Variants in VAV2 observed in about 807,000 individuals in gnomAD.
VAV2 encodes vav guanine nucleotide exchange factor 2, also known as guanine nucleotide exchange factor VAV2.
In VAV2, 67 loss-of-function variants were observed where a neutral mutation model predicts 132.5. That is an observed-to-expected ratio of 0.51 (90% CI 0.42 to 0.62). VAV2 has a LOEUF of 0.62. Among genes scored for constraint, VAV2 ranks in the 20% least tolerant of loss-of-function variants. VAV2 has a pLI of 0.00. For missense variants in VAV2, 938 were observed against 1,153.6 expected (o/e 0.81, Z 2.71); for synonymous variants, 492 against 443.5 (o/e 1.11, Z -1.37).
intron 24 of VAV2, among the ~76,000 whole-genome samples, chr9:133,775,301 T>C (rs1171340934): frequency 2.0e-5 from 3 of 152,264 alleles, no homozygotes; most frequent in East Asian, 3.9e-4. Flanking sequence ...AGGGGTTAAA[T>C]AGAGGGGTGA....
At chr9:133,870,991 G>C (rs532478494) in intron 2 of VAV2, among the ~76,000 whole-genome samples, 1 of 148,462 alleles carries the variant, frequency 6.7e-6, no homozygotes, top group Non-Finnish European at 1.5e-5. Context: ...TGGATGGATG[G>C]ATGGATAAGT....
intron 1 of VAV2, among the ~76,000 whole-genome samples, chr9:133,957,402 T>G (rs1841818120): frequency 6.6e-6 from 1 of 152,186 alleles, no homozygotes; most frequent in African/African-American, 2.4e-5. Flanking sequence ...TGTCGTCTCT[T>G]GACTCTGGGT....
intron 2 of VAV2, among the ~76,000 whole-genome samples, chr9:133,923,354 A>G (rs984919125): frequency 6.6e-6 from 1 of 152,252 alleles, no homozygotes; most frequent in Non-Finnish European, 1.5e-5. Flanking sequence ...TATAGCCAGA[A>G]GAATTCAAAG....
intron 2 of VAV2, among the ~76,000 whole-genome samples, chr9:133,875,021 C>G (rs565924003): frequency 6.6e-6 from 1 of 152,156 alleles, no homozygotes; most frequent in African/African-American, 2.4e-5. Flanking sequence ...GGCAGAGCAG[C>G]CCCAGAAAGA....
At chr9:133,911,232 A>G (rs1839874646) in intron 2 of VAV2, among the ~76,000 whole-genome samples, 1 of 152,262 alleles carries the variant, frequency 6.6e-6, no homozygotes, top group Admixed American at 6.5e-5. Flanking sequence ...AAGTCCCACC[A>G]GGAACACACC....
intron 11 of VAV2, 96 bp from the exon 12 acceptor site, chr9:133,795,832 T>G (rs1174645309): frequency 1.3e-5 from 18 of 1,399,430 alleles, no homozygotes; most frequent in Non-Finnish European, 1.8e-5. Flanking sequence ...CAGAACCAAG[T>G]CCTCAGAAGA....
intron 7 of VAV2, among the ~76,000 whole-genome samples, chr9:133,808,612 C>T (rs2131692337): frequency 6.6e-6 from 1 of 152,320 alleles, no homozygotes; most frequent in East Asian, 1.9e-4. Flanking sequence ...TAGGCCGGGC[C>T]ATGCCTTGTG....
chr9:133,835,379 G>T (rs1836428654), intron 3 of VAV2, among the ~76,000 whole-genome samples: 1 of 140,986 alleles, frequency 7.1e-6, no homozygotes, highest in African/African-American at 2.5e-5. Flanking sequence ...TGTCAGGTCA[G>T]CCTCAGGAAG....
intron 1 of VAV2, among the ~76,000 whole-genome samples, chr9:133,946,503 A>G (rs1841365023): frequency 6.6e-6 from 1 of 152,222 alleles, no homozygotes; most frequent in East Asian, 1.9e-4. Flanking sequence ...CCCTGCGGCA[A>G]AGGCTCCAGG....
In VAV2 at chr9:133,833,448, A is replaced by G. The variant is rs909118337; in HGVS notation, c.449+824T>C. On this transcript the variant is annotated intron_variant, in intron 4 of 29. Coordinates refer to ENST00000371850, the MANE Select transcript of VAV2 (RefSeq NM_001134398.2). This position sits in a 1 kb window ranked among gnomAD's most constrained non-coding sequence, Gnocchi z 5.6. ...ACCGTAGTTGAGCTAAGAACACACA[A>G]GCTGCTGTCAAACAGCTCCAGAGGC... 6.6e-6 allele frequency among the ~76,000 whole-genome samples: 1 copy of G among 152,192 alleles called. No homozygotes were observed. The highest frequency in any genetic ancestry group is 2.4e-5 in the African/African-American group (1 of 41,458).
In VAV2 at chr9:133,964,044, T is replaced by C. The variant is rs1249551871; in HGVS notation, c.205-24825A>G. Among the ~76,000 whole-genome samples the C allele has an allele frequency of 1.1e-3, 102 of 94,004 alleles. 3 individuals are homozygous for C. Among genetic ancestry groups the C allele is most frequent in the Non-Finnish European group, 2.0e-3 (84 of 41,872 alleles). The allele number at this position is 94,004 out of a possible 152,430, so 61.7% of individuals were successfully genotyped here. On this transcript the variant is annotated intron_variant, in intron 1 of 29. Transcript: ENST00000371850. Reference sequence around the variant, plus strand: ...ATTCATATATATATATATATATATATATATACATATATATACATATATATA... The same window carrying C: ...ATTCATATATATATATATATATATACATATACATATATATACATATATATA...
intron 13 of VAV2, among the ~76,000 whole-genome samples, chr9:133,789,711 G>A (rs7046387): frequency 6.6e-6 from 1 of 150,520 alleles, no homozygotes; most frequent in African/African-American, 2.4e-5. Context: ...CCACGTTCAG[G>A]AGAGAACAAA....
At chr9:133,865,486 G>C (rs761782555) in intron 2 of VAV2, among the ~76,000 whole-genome samples, 49 of 151,920 alleles carry the variant, frequency 3.2e-4, no homozygotes, top group Non-Finnish European at 6.5e-4. Flanking sequence ...GCTCCACCTA[G>C]ACTACTGTTT....
intron 2 of VAV2, among the ~76,000 whole-genome samples, chr9:133,911,080 G>C (rs1034082180): frequency 6.6e-6 from 1 of 152,164 alleles, no homozygotes; most frequent in African/African-American, 2.4e-5. Context: ...AGCAGGGCCG[G>C]GCACGCCCCT....
At chr9:133,869,681 C>T (rs1048506533) in intron 2 of VAV2, among the ~76,000 whole-genome samples, 9 of 152,154 alleles carry the variant, frequency 5.9e-5, no homozygotes, top group Non-Finnish European at 7.3e-5. Context: ...AGCCATCCGC[C>T]GACCCAGCCT....
At position 133,926,670 on chromosome 9, in the gene VAV2, T is replaced by C. The variant is rs1840491030; in HGVS notation, c.321+12433A>G. ...CACCTGGTGAACTGCAGCTCACATC[T>C]CGAACCCCAGCACCTCCTCCAGGAA... is the stretch of plus-strand genomic sequence containing the variant. On this transcript the variant is annotated intron_variant, in intron 2 of 29. Coordinates refer to ENST00000371850, the MANE Select transcript of VAV2 (RefSeq NM_001134398.2). This position sits in a 1 kb window ranked among gnomAD's most constrained non-coding sequence, Gnocchi z 4.3. Among the ~76,000 whole-genome samples the C allele has an allele frequency of 6.6e-6, 1 of 152,026 alleles. No homozygotes were observed. Among genetic ancestry groups the C allele is most frequent in the African/African-American group, 2.4e-5 (1 of 41,382 alleles).
chr9:133,785,965 G>A lies in VAV2; in HGVS notation c.1423-80C>T, dbSNP rs563712440. Reference sequence around the variant, plus strand: ...CACATGTCCACGTGTACTCTCGCCTGTGCAGCATGTGCACGTGTGTATATG... The same window carrying A: ...CACATGTCCACGTGTACTCTCGCCTATGCAGCATGTGCACGTGTGTATATG... On this transcript the variant is annotated intron_variant, in intron 16 of 29. Coordinates refer to ENST00000371850, the MANE Select transcript of VAV2 (RefSeq NM_001134398.2). 53 of 1,247,720 alleles carry A rather than the reference G, an allele frequency of 4.2e-5. 1 individual carries two copies. The South Asian group carries it at 5.1e-4, about 12-fold the overall frequency. 77.3% of individuals were successfully genotyped at this position (1,247,720 alleles called of 1,614,324 possible). A position where few individuals can be genotyped will look rare whatever the true frequency, so the allele number is the denominator to read the frequency against.
intron 1 of VAV2, among the ~76,000 whole-genome samples, chr9:133,968,348 A>G (rs117780326): frequency 0.027 from 4,158 of 152,262 alleles, 75 homozygotes; most frequent in Middle Eastern, 0.065. Context: ...AGTGTCACAC[A>G]TACCCCATAA....
At chr9:133,946,763 C>T (rs1195095137) in intron 1 of VAV2, among the ~76,000 whole-genome samples, 1 of 152,202 alleles carries the variant, frequency 6.6e-6, no homozygotes, top group Non-Finnish European at 1.5e-5. Flanking sequence ...ATGCCATGCT[C>T]ATTCCAAAAA....
Sources: gnomAD v4.1 joint callset for allele counts (sites outside exome capture counted in the v4.1 genomes callset) on GRCh38, gnomAD v4.1.1 for gene constraint, Gnocchi (gnomAD v3.1) non-coding constraint, MANE v1.5 for transcripts, NCBI Gene and HGNC (gene_info 2026-07-23, HGNC 2026-07-21) for gene names.